Variants in WDFY3 observed in about 807,000 individuals in gnomAD.
WDFY3 encodes the protein WD repeat and FYVE domain-containing protein 3.
Under a neutral mutation model 409.6 loss-of-function variants are expected in WDFY3, and 66 were observed. The ratio of observed to expected loss-of-function variants is 0.16; its 90% CI spans 0.13 to 0.20. The LOEUF (loss-of-function observed/expected upper bound fraction) is 0.20, where lower values mean the gene tolerates loss of function less well. Ranked by LOEUF, WDFY3 falls within the 10% of genes least tolerant of loss-of-function variation. WDFY3 has a pLI of 1.00. For missense variants in WDFY3, 3,031 were observed against 4,298.1 expected (o/e 0.71, Z 8.24); for synonymous variants, 1,521 against 1,537.1 (o/e 0.99, Z 0.25).
At chr4:84,836,797 T>G in intron 7 of WDFY3, 132 bp downstream of exon 7, 47 of 765,080 alleles carry the variant, frequency 6.1e-5, no homozygotes, top group Non-Finnish European at 7.9e-5. Context: ...GACAATTATA[T>G]GAGATAAAGT....
At chr4:84,886,115 C>T (rs1764186712) in intron 3 of WDFY3, among the ~76,000 whole-genome samples, 1 of 152,036 alleles carries the variant, frequency 6.6e-6, no homozygotes, top group Admixed American at 6.6e-5. Flanking sequence ...AATACATGGA[C>T]AGAAAGCAAA....
intron 3 of WDFY3, among the ~76,000 whole-genome samples, chr4:84,861,599 G>A (rs1300132684): frequency 1.3e-5 from 2 of 152,064 alleles, no homozygotes; most frequent in African/African-American, 2.4e-5. Flanking sequence ...GGATAATGAT[G>A]AGCATTTTTC....
rs1444633220 is a variant in WDFY3, at chr4:84,696,712, G to C, written c.8688+20C>G. 1 of 1,609,310 alleles carries C rather than the reference G, an allele frequency of 6.2e-7. No homozygotes were observed. The highest frequency in any genetic ancestry group is 8.5e-7 in the Non-Finnish European group (1 of 1,176,444). ...GACCAAATGAAATTCAACTTCAATTGTAAAATGTACTTCCATTACCTCACG... is the reference window on the plus strand; with the variant it reads ...GACCAAATGAAATTCAACTTCAATTCTAAAATGTACTTCCATTACCTCACG... On this transcript the variant is annotated intron_variant, in intron 57 of 67. Transcript: ENST00000295888.
intron 3 of WDFY3, among the ~76,000 whole-genome samples, chr4:84,869,363 C>T (rs539245313): frequency 4.3e-4 from 65 of 152,264 alleles, no homozygotes; most frequent in Non-Finnish European, 2.9e-4. Flanking sequence ...AGTATCTTCA[C>T]GCCCCCTGCA....
chr4:84,709,893 A>T (rs1348469727), intron 51 of WDFY3, among the ~76,000 whole-genome samples: 1 of 152,024 alleles, frequency 6.6e-6, no homozygotes, highest in South Asian at 2.1e-4. Context: ...CGCCCAGCTA[A>T]TTTTTGTATT....
chr4:84,957,355 T>C (rs1238901884), intron 1 of WDFY3, among the ~76,000 whole-genome samples: 1 of 152,024 alleles, frequency 6.6e-6, no homozygotes, highest in Non-Finnish European at 1.5e-5. Flanking sequence ...CAATATTTTA[T>C]CATCTATTAT....
At chr4:84,708,305 C>T (rs1037673735) in intron 53 of WDFY3, among the ~76,000 whole-genome samples, 9 of 152,164 alleles carry the variant, frequency 5.9e-5, no homozygotes, top group Non-Finnish European at 1.2e-4. Flanking sequence ...CTAACAAACA[C>T]TTCAAACTAC....
intron 2 of WDFY3, among the ~76,000 whole-genome samples, chr4:84,914,192 C>A (rs1052835979): frequency 1.3e-5 from 2 of 151,972 alleles, no homozygotes; most frequent in African/African-American, 2.4e-5. Flanking sequence ...GAGGCCGAGG[C>A]GGGCGGATCA....
chr4:84,784,309 T>C (rs1747087320), intron 24 of WDFY3, among the ~76,000 whole-genome samples: 4 of 152,172 alleles, frequency 2.6e-5, no homozygotes, highest in Non-Finnish European at 5.9e-5. Flanking sequence ...GAACTCCAGA[T>C]TCGTATTTCC....
At chr4:84,770,354 C>G (rs769767179) in intron 30 of WDFY3, among the ~76,000 whole-genome samples, 2 of 151,978 alleles carry the variant, frequency 1.3e-5, no homozygotes, top group African/African-American at 2.4e-5. Flanking sequence ...TTAAAAGATA[C>G]AATGCTACTG....
rs576655289 is a variant in WDFY3, at chr4:84,729,740, G to T, written c.7222-2829C>A. ...TAACAAATCAAAGACTTTAAAACAA[G>T]AAATTAACTTTTGAATCACCACTGT... is the stretch of plus-strand genomic sequence containing the variant. On this transcript the variant is annotated intron_variant, in intron 44 of 67. Coordinates refer to ENST00000295888, the MANE Select transcript of WDFY3 (RefSeq NM_014991.6). Among the ~76,000 whole-genome samples the T allele has an allele frequency of 2.4e-4, 36 of 151,112 alleles. 1 individual carries two copies. Among genetic ancestry groups the T allele is most frequent in the African/African-American group, 8.0e-4 (33 of 41,264 alleles).
At chr4:84,873,513 A>C (rs1238558506) in intron 3 of WDFY3, among the ~76,000 whole-genome samples, 5 of 152,208 alleles carry the variant, frequency 3.3e-5, no homozygotes, top group Non-Finnish European at 7.4e-5. Context: ...TTTTCCTCAC[A>C]GAACTAAATG....
chr4:84,740,207 C>T lies in WDFY3; in HGVS notation c.6444G>A (p.Leu2148=). The T allele has an allele frequency of 6.2e-7, 1 of 1,614,034 alleles. No homozygotes were observed. The highest frequency in any genetic ancestry group is 8.5e-7 in the Non-Finnish European group (1 of 1,179,990). The change falls in exon 39 of 68, where the codon TTG becomes TTA. Residue 2148 remains leucine (L), a synonymous_variant. Coordinates refer to ENST00000295888, the MANE Select transcript of WDFY3 (RefSeq NM_014991.6). ...QEFISCLAHC[L]INLHVGSNVD... ...TTTACCTTCCAACATGTAGATTTAT[C>T]AAGCAGTGGGCCAGACAGCTAATGA...
chr4:84,786,538 C>T (rs1340032658), intron 23 of WDFY3, among the ~76,000 whole-genome samples: 2 of 152,176 alleles, frequency 1.3e-5, no homozygotes, highest in African/African-American at 2.4e-5. Flanking sequence ...GATATGCCTG[C>T]CTGTATTCTT....
intron 53 of WDFY3, among the ~76,000 whole-genome samples, chr4:84,706,977 C>T (rs1240161891): frequency 3.6e-5 from 5 of 138,886 alleles, no homozygotes; most frequent in Non-Finnish European, 6.1e-5. Context: ...CTTGCTCTGT[C>T]GCCCAGGCTG....
At chr4:84,893,831 A>T (rs1442555355) in intron 3 of WDFY3, among the ~76,000 whole-genome samples, 1 of 152,070 alleles carries the variant, frequency 6.6e-6, no homozygotes, top group Non-Finnish European at 1.5e-5. Context: ...CTAATAATAC[A>T]AGAAAAAAAT....
chr4:84,731,922 G>A (rs1183765325), intron 44 of WDFY3, among the ~76,000 whole-genome samples: 3 of 152,158 alleles, frequency 2.0e-5, no homozygotes, highest in Admixed American at 6.5e-5. Flanking sequence ...TTCAATTTAA[G>A]AAGTGACTCA....
intron 2 of WDFY3, among the ~76,000 whole-genome samples, chr4:84,911,829 C>T (rs1018173800): frequency 1.3e-5 from 2 of 152,162 alleles, no homozygotes; most frequent in Admixed American, 6.6e-5. Flanking sequence ...AAGACTTACA[C>T]ATGCACAGAC....
chr4:84,739,492 T>C (rs17376946), intron 39 of WDFY3, among the ~76,000 whole-genome samples: 18 of 152,198 alleles, frequency 1.2e-4, no homozygotes, highest in Non-Finnish European at 5.9e-5. Flanking sequence ...AGTGAAGTAG[T>C]TGCAGTTCCC....
Sources: gnomAD v4.1 joint callset for allele counts (sites outside exome capture counted in the v4.1 genomes callset) on GRCh38, gnomAD v4.1.1 for gene constraint, MANE v1.5 for transcripts, NCBI Gene and HGNC (gene_info 2026-07-23, HGNC 2026-07-21) for gene names.